ANK2: variants seen among roughly 807,000 people sequenced by gnomAD.
The protein encoded by ANK2 is ankyrin 2.
ANK2 carries 83 observed loss-of-function variants against 360.5 expected under a neutral mutation model. The ratio of observed to expected loss-of-function variants is 0.23; its 90% CI spans 0.19 to 0.28. The LOEUF is 0.28. Ranked by LOEUF, ANK2 falls within the 10% of genes least tolerant of loss-of-function variation. The pLI, the probability that ANK2 is intolerant of heterozygous loss-of-function variation, is 1.00. For synonymous variants in ANK2, 1,740 were observed against 1,759.5 expected, an observed-to-expected ratio of 0.99 and a Z score of 0.28; for missense variants, 4,201 against 4,795.7, an observed-to-expected ratio of 0.88 and a Z score of 3.66.
At chr4:113,329,829 T>A (rs2091874934) in intron 26 of ANK2, among the ~76,000 whole-genome samples, 1 of 152,226 alleles carries the variant, frequency 6.6e-6, no homozygotes, top group Non-Finnish European at 1.5e-5. Context: ...TGCTTTGTCC[T>A]TGTATTATTT....
chr4:113,332,913 A>G, intron 28 of ANK2, 141 bp from the exon 29 acceptor site: 1 of 1,199,054 alleles, frequency 8.3e-7, no homozygotes, highest in Non-Finnish European at 1.2e-6. Flanking sequence ...TCTGCTAGCC[A>G]GTGGGCTCCA....
the ANK2 span, among the ~76,000 whole-genome samples, chr4:112,784,461 C>T: frequency 6.6e-6 from 1 of 151,094 alleles, no homozygotes; most frequent in Non-Finnish European, 1.5e-5. Context: ...AGGTTCACGC[C>T]ATTCTCCTGC....
rs28601690 is a variant in ANK2 at position 113,300,549 on chromosome 4, T to C, written c.2476-2218T>C. Among the ~76,000 whole-genome samples the C allele has an allele frequency of 2.2e-3, 342 of 152,300 alleles. 3 individuals carry two copies. The highest frequency in any genetic ancestry group is 8.1e-3 in the African/African-American group (337 of 41,554). On this transcript the variant is annotated intron_variant, in intron 22 of 45. Transcript: ENST00000357077. ...GAGGGCACACACAGTGCGTAGTGTA[T>C]GACACAGCACACACGATGCTCTAGG...
At position 113,263,113 on chromosome 4, in the gene ANK2, GGGAGGC is replaced by G. The variant is rs2053930661; in HGVS notation, c.1387-1783_1387-1778del. Among the ~76,000 whole-genome samples the G allele has an allele frequency of 2.0e-5, 3 of 150,438 alleles. No homozygotes were observed. The South Asian group carries it at 6.3e-4, about 32-fold the overall frequency. ...TGAGGCAGGAGAATCTATTGAACCC[GGGAGGC>G]TGAGGCTGCAGTGAGCCGAGATCAT... On this transcript the variant is annotated intron_variant, in intron 13 of 45. Coordinates refer to ENST00000357077, the MANE Select transcript of ANK2 (RefSeq NM_001148.6).
chr4:112,719,362 A>G, the ANK2 span, among the ~76,000 whole-genome samples: 1 of 152,160 alleles, frequency 6.6e-6, no homozygotes, highest in Non-Finnish European at 1.5e-5. Context: ...AGGGGAAAAC[A>G]CTTAGTACTC....
chr4:113,156,294 A>T (rs1179530374), intron 1 of ANK2, among the ~76,000 whole-genome samples: 2 of 78,936 alleles, frequency 2.5e-5, no homozygotes, highest in African/African-American at 1.4e-4. Flanking sequence ...TATTTTTAAA[A>T]GTAAAACAGA....
intron 10 of ANK2, among the ~76,000 whole-genome samples, chr4:113,250,205 CAT>C (rs572312864): frequency 2.8e-4 from 42 of 152,222 alleles, no homozygotes; most frequent in East Asian, 9.7e-4. Flanking sequence ...GACTATGAAA[CAT>C]ATATAAAATT....
the ANK2 span, among the ~76,000 whole-genome samples, chr4:112,789,411 A>G: frequency 1.3e-5 from 2 of 152,244 alleles, no homozygotes; most frequent in African/African-American, 2.4e-5. Context: ...AGGGCACAGG[A>G]CACCATCTAA....
At chr4:112,957,682 T>A (rs867996812) in intron 2 of ANK2, among the ~76,000 whole-genome samples, 2 of 112,434 alleles carry the variant, frequency 1.8e-5, no homozygotes, top group Admixed American at 8.5e-5. Flanking sequence ...GGCGGCTGGC[T>A]GGGCGGGGGG....
At position 113,382,710 on chromosome 4, in the gene ANK2, CGGTCA is replaced by C. The variant is rs2097191663; in HGVS notation, c.*1240_*1244del. The C allele has an allele frequency of 6.6e-6, 1 of 151,912 alleles. No individual in the cohort carries two copies. Among genetic ancestry groups the C allele is most frequent in the Admixed American group, 6.6e-5 (1 of 15,246 alleles). The allele number at this position is 151,912 out of a possible 1,614,324, so 9.4% of individuals were successfully genotyped here. A position where few individuals can be genotyped will look rare whatever the true frequency, so the allele number is the denominator to read the frequency against. ...ATGTGGCGTTTAAAAATCAAGACCA[CGGTCA>C]AACCCCTCTTCTAATCACATTAATT... On this transcript the variant is annotated 3_prime_UTR_variant, in exon 46 of 46. Coordinates refer to ENST00000357077, the MANE Select transcript of ANK2 (RefSeq NM_001148.6).
intron 22 of ANK2, among the ~76,000 whole-genome samples, chr4:113,296,345 G>C (rs1214381553): frequency 6.6e-6 from 1 of 152,078 alleles, no homozygotes; most frequent in Non-Finnish European, 1.5e-5. Flanking sequence ...CAACTTAATA[G>C]TTAAGTAAAA....
At chr4:113,131,495 A>G (rs1402534494) in intron 1 of ANK2, among the ~76,000 whole-genome samples, 1 of 152,348 alleles carries the variant, frequency 6.6e-6, no homozygotes, top group East Asian at 1.9e-4. Context: ...CCAATGACTT[A>G]TAAAACATTT....
intron 4 of ANK2, among the ~76,000 whole-genome samples, chr4:113,207,686 C>CAAA (rs34818513): frequency 2.7e-3 from 270 of 101,406 alleles, no homozygotes; most frequent in Non-Finnish European, 3.4e-3. Context: ...GATCACAAAG[C>CAAA]AAAAAAAAAA....
chr4:113,312,215 T>A (rs1441990731), intron 24 of ANK2, among the ~76,000 whole-genome samples: 1 of 149,194 alleles, frequency 6.7e-6, no homozygotes, highest in African/African-American at 2.5e-5. Context: ...AGTTGGAGGA[T>A]CCCTTGAGCC....
At chr4:113,019,442 G>C (rs1482656270) in intron 2 of ANK2, among the ~76,000 whole-genome samples, 2 of 151,958 alleles carry the variant, frequency 1.3e-5, no homozygotes, top group Non-Finnish European at 2.9e-5. Context: ...AAATAAATCA[G>C]GTATAATAAA....
At chr4:112,892,034 T>C (rs2150677449) in intron 1 of ANK2, among the ~76,000 whole-genome samples, 1 of 151,918 alleles carries the variant, frequency 6.6e-6, no homozygotes, top group East Asian at 1.9e-4. Context: ...AGTATAGTGG[T>C]GGGCTAGGTA....
intron 26 of ANK2, among the ~76,000 whole-genome samples, chr4:113,327,909 C>G (rs933579743): frequency 2.6e-5 from 4 of 152,120 alleles, no homozygotes; most frequent in African/African-American, 9.7e-5. Context: ...AAGAGAGTTT[C>G]AAGAGACACA....
chr4:113,177,918 C>A (rs776001212), intron 2 of ANK2, among the ~76,000 whole-genome samples: 1 of 151,988 alleles, frequency 6.6e-6, no homozygotes, highest in Non-Finnish European at 1.5e-5. Context: ...ATGCTTATAC[C>A]CCTGGGTTGC....
At chr4:112,917,525 A>C (rs761338266) in intron 2 of ANK2, among the ~76,000 whole-genome samples, 2 of 152,230 alleles carry the variant, frequency 1.3e-5, no homozygotes, top group Non-Finnish European at 2.9e-5. Context: ...CCTTTATTCC[A>C]TGTGTTACAT....
Sources: allele counts gnomAD v4.1 joint callset (sites outside exome capture counted in the v4.1 genomes callset), GRCh38; gene constraint gnomAD v4.1.1; transcripts MANE v1.5; gene names NCBI Gene and HGNC (gene_info 2026-07-23, HGNC 2026-07-21).